Variants in EMC2 observed in about 807,000 individuals in gnomAD.
EMC2 encodes the protein TPR repeat protein 35.
In EMC2, 37 loss-of-function variants were observed where a neutral mutation model predicts 51.6. The ratio of observed to expected loss-of-function variants is 0.72; its 90% CI spans 0.55 to 0.94. The LOEUF (loss-of-function observed/expected upper bound fraction) is 0.94, where lower values mean the gene tolerates loss of function less well. Among genes scored for constraint, EMC2 ranks in the 40% least tolerant of loss-of-function variants. The probability of loss-of-function intolerance (pLI) is 0.00; values close to 1 mark genes in which losing one functional copy is unlikely to be tolerated. For missense variants in EMC2, 359 were observed against 350.9 expected, an observed-to-expected ratio of 1.02 and a Z score of -0.18; for synonymous variants, 131 against 112.4, an observed-to-expected ratio of 1.17 and a Z score of -1.04.
intron 5 of EMC2, among the ~76,000 whole-genome samples, chr8:108,456,350 A>G (rs897094935): frequency 3.9e-4 from 58 of 149,964 alleles, no homozygotes; most frequent in Non-Finnish European, 7.1e-4. Flanking sequence ...AAAAAAAAGA[A>G]AAAAAAAAAA....
chr8:108,479,901 T>G (rs1811016878), intron 10 of EMC2, among the ~76,000 whole-genome samples: 1 of 152,136 alleles, frequency 6.6e-6, no homozygotes, highest in Non-Finnish European at 1.5e-5. Context: ...GCCCAGCTAT[T>G]TCATTCTGTT....
At chr8:108,472,301 A>G (rs1366815236) in intron 7 of EMC2, among the ~76,000 whole-genome samples, 1 of 151,774 alleles carries the variant, frequency 6.6e-6, no homozygotes, top group Non-Finnish European at 1.5e-5. Flanking sequence ...TTTTTTCACC[A>G]TGTGGTACCA....
intron 7 of EMC2, among the ~76,000 whole-genome samples, chr8:108,470,444 A>G (rs1444654158): frequency 1.3e-5 from 2 of 152,192 alleles, no homozygotes; most frequent in Admixed American, 1.3e-4. Flanking sequence ...GGTAAATCAA[A>G]ATTGTGAATT....
rs370863284 is a variant in EMC2, at chr8:108,479,151, T to G, written c.807+41T>G. Reference sequence around the variant, plus strand: ...TCATTTTGCTATGTAGGTCAGTTAATGTATTTCTTAGTTTTGTTACTACAA... The same window carrying G: ...TCATTTTGCTATGTAGGTCAGTTAAGGTATTTCTTAGTTTTGTTACTACAA... On this transcript the variant is annotated intron_variant, in intron 10 of 10. Coordinates refer to ENST00000220853, the MANE Select transcript of EMC2 (RefSeq NM_014673.5). 99 of 1,206,722 alleles carry G rather than the reference T, an allele frequency of 8.2e-5. No individual in the cohort carries two copies. The African/African-American group carries it at 1.4e-3, about 17-fold the overall frequency. 74.8% of individuals were successfully genotyped at this position (1,206,722 alleles called of 1,614,324 possible). A position where few individuals can be genotyped will look rare whatever the true frequency, so the allele number is the denominator to read the frequency against.
At chr8:108,446,367 A>G in intron 1 of EMC2, 1 of 352,526 alleles carries the variant, frequency 2.8e-6, no homozygotes, top group Non-Finnish European at 5.8e-6. Flanking sequence ...AATATCTGGT[A>G]GTAATTTACA....
intron 1 of EMC2, among the ~76,000 whole-genome samples, chr8:108,445,875 C>T (rs528260267): frequency 6.6e-6 from 1 of 152,114 alleles, no homozygotes; most frequent in Non-Finnish European, 1.5e-5. Flanking sequence ...AGATTATAAG[C>T]CATTTTTCTA....
chr8:108,482,140 C>A (rs546007984), intron 10 of EMC2, among the ~76,000 whole-genome samples: 2 of 152,242 alleles, frequency 1.3e-5, no homozygotes, highest in South Asian at 4.1e-4. Flanking sequence ...CTAATAGCCC[C>A]ACATCTTCAC....
chr8:108,453,910 A>G (rs967810675), intron 4 of EMC2, among the ~76,000 whole-genome samples: 1 of 152,150 alleles, frequency 6.6e-6, no homozygotes, highest in Non-Finnish European at 1.5e-5. Flanking sequence ...TGTTAGTCAC[A>G]TAATAATAAG....
At position 108,449,814 on chromosome 8, in the gene EMC2, T is replaced by C; in HGVS notation, c.41-9T>C. 7.7e-7 allele frequency: 1 copy of C among 1,301,972 alleles called. No individual in the cohort carries two copies. The allele number at this position is 1,301,972 out of a possible 1,614,324, so 80.7% of individuals were successfully genotyped here. On this transcript the variant is annotated splice_polypyrimidine_tract_variant and intron_variant, in intron 1 of 10. Coordinates refer to ENST00000220853, the MANE Select transcript of EMC2 (RefSeq NM_014673.5). ...CATATACACTTAAATGTCATGTTAT[T>C]TTTTTCAGAAATGAGAGATAAAATG...
At chr8:108,458,616 G>A (rs918387657) in intron 5 of EMC2, among the ~76,000 whole-genome samples, 3 of 152,112 alleles carry the variant, frequency 2.0e-5, no homozygotes, top group African/African-American at 7.2e-5. Context: ...CGGCCACAGG[G>A]GGAGTGGCTG....
Position 108,450,439 on chromosome 8 carries a change from T to C in EMC2, c.166T>C (p.Tyr56His). ...SKLGDDIWII[Y>H]EQVMIAALDY... ...TTATGTGTATCTAGTTTGGATCATA[T>C]ATGAACAGGTGATGATTGCAGCACT... Residue 56 changes from tyrosine to histidine, a missense_variant, in exon 3 of 11, where the codon TAT becomes CAT. Coordinates refer to ENST00000220853, the MANE Select transcript of EMC2 (RefSeq NM_014673.5). The C allele has an allele frequency of 6.3e-7, 1 of 1,599,774 alleles. No individual in the cohort carries two copies. Among genetic ancestry groups the C allele is most frequent in the Non-Finnish European group, 8.6e-7 (1 of 1,167,014 alleles).
At chr8:108,461,868 G>T (rs1023965236) in intron 5 of EMC2, among the ~76,000 whole-genome samples, 2 of 151,772 alleles carry the variant, frequency 1.3e-5, no homozygotes, top group South Asian at 2.1e-4. Flanking sequence ...TTGCTCTGTC[G>T]CCAGGCTGTG....
chr8:108,445,930 T>C (rs577377598), intron 1 of EMC2, among the ~76,000 whole-genome samples: 1 of 152,338 alleles, frequency 6.6e-6, no homozygotes, highest in Admixed American at 6.5e-5. Flanking sequence ...GGTTTTAGTA[T>C]CATTCTTCTC....
Position 108,487,081 on chromosome 8 carries a change from G to T in EMC2, c.*483G>T, listed in dbSNP as rs1295217964. ...TTATATTGTCGAATTGGATTTTGCTGTACATTCCAGTGGGCTATTTGAATT... is the reference window on the plus strand; with the variant it reads ...TTATATTGTCGAATTGGATTTTGCTTTACATTCCAGTGGGCTATTTGAATT... On this transcript the variant is annotated 3_prime_UTR_variant, in exon 11 of 11. Coordinates refer to ENST00000220853, the MANE Select transcript of EMC2 (RefSeq NM_014673.5). 1.3e-5 allele frequency among the ~76,000 whole-genome samples: 2 copies of T among 152,040 alleles called. No individual in the cohort carries two copies. The highest frequency in any genetic ancestry group is 4.8e-5 in the African/African-American group (2 of 41,422).
At chr8:108,457,339 T>C (rs1235685637) in intron 5 of EMC2, among the ~76,000 whole-genome samples, 2 of 55,526 alleles carry the variant, frequency 3.6e-5, no homozygotes, top group South Asian at 5.7e-4. Flanking sequence ...TGCGTGTGTG[T>C]GTGTGTGTGT....
At chr8:108,457,323 T>TGTGCGTGC (rs1819191120) in intron 5 of EMC2, among the ~76,000 whole-genome samples, 2 of 86,068 alleles carry the variant, frequency 2.3e-5, no homozygotes, top group African/African-American at 6.9e-5. Flanking sequence ...GGGATGTGCG[T>TGTGCGTGC]GTGTGTGCGT....
chr8:108,471,993 A>G (rs138112178), intron 7 of EMC2, among the ~76,000 whole-genome samples: 13 of 151,920 alleles, frequency 8.6e-5, no homozygotes, highest in Non-Finnish European at 1.6e-4. Context: ...CTACCTTTTT[A>G]GTTCATTTTT....
chr8:108,483,788 A>C (rs1811087822), intron 10 of EMC2, among the ~76,000 whole-genome samples: 2 of 152,164 alleles, frequency 1.3e-5, no homozygotes, highest in South Asian at 4.1e-4. Flanking sequence ...TAACTGTATG[A>C]AAACAAAAAT....
intron 2 of EMC2, 63 bp downstream of exon 2, chr8:108,449,999 TAA>T: frequency 1.7e-6 from 1 of 574,672 alleles, no homozygotes; most frequent in Non-Finnish European, 3.0e-6. Context: ...TTTTTTTTTT[TAA>T]CTGTTCTTTC....
Sources: gnomAD v4.1 joint callset for allele counts (sites outside exome capture counted in the v4.1 genomes callset) on GRCh38, gnomAD v4.1.1 for gene constraint, MANE v1.5 for transcripts, NCBI Gene and HGNC (gene_info 2026-07-23, HGNC 2026-07-21) for gene names.